The following NECAB2 variants were observed in gnomAD, a reference collection of about 807,000 sequenced individuals.
NECAB2 encodes N-terminal EF-hand calcium-binding protein 2.
A neutral mutation model predicts 51.9 loss-of-function variants in NECAB2; 68 were observed. The observed-to-expected ratio is 1.31, with a 90% confidence interval of 1.08 to 1.60. The LOEUF (loss-of-function observed/expected upper bound fraction) is 1.60, where lower values mean the gene tolerates loss of function less well. NECAB2 is among the 40% of genes most tolerant of loss of function. The pLI, the probability that NECAB2 is intolerant of heterozygous loss-of-function variation, is 0.00. For missense variants in NECAB2, 854 were observed against 490.3 expected (o/e 1.74, Z -7.00); for synonymous variants, 329 against 203.5 (o/e 1.62, Z -5.25).
intron 1 of NECAB2, 29 bp downstream of exon 1, chr16:83,968,878 C>A (rs748132988): frequency 4.3e-5 from 47 of 1,102,636 alleles, no homozygotes; most frequent in Middle Eastern, 3.9e-4. Context: ...GGACCCCCGC[C>A]GTGGCCTCCG....
rs764861904 is a variant in NECAB2, at chr16:83,990,646, C to A, written c.596+16C>A. ...GCCAGCTCCGGTGAGTCTCTGAGAC[C>A]CTGCAGGGTCCCATGGGGGTATGCC... On this transcript the variant is annotated intron_variant, in intron 6 of 12. Coordinates refer to ENST00000305202, the MANE Select transcript of NECAB2 (RefSeq NM_019065.3). The A allele has an allele frequency of 1.2e-6, 2 of 1,613,534 alleles. No individual in the cohort carries two copies. The highest frequency in any genetic ancestry group is 2.7e-5 in the African/African-American group (2 of 74,872).
chr16:83,969,454 G>C (rs908435961), intron 1 of NECAB2, among the ~76,000 whole-genome samples: 4 of 151,850 alleles, frequency 2.6e-5, no homozygotes, highest in African/African-American at 9.7e-5. Context: ...CCCTGAGCTG[G>C]TACCCCTCTG....
At chr16:83,995,568 C>G (rs1452137801) in intron 8 of NECAB2, among the ~76,000 whole-genome samples, 2 of 152,200 alleles carry the variant, frequency 1.3e-5, no homozygotes, top group Admixed American at 6.5e-5. Flanking sequence ...ACACAGCACA[C>G]CCGTATACCC....
At chr16:83,979,953 G>A (rs761946415) in intron 3 of NECAB2, among the ~76,000 whole-genome samples, 4 of 152,138 alleles carry the variant, frequency 2.6e-5, no homozygotes, top group Admixed American at 6.5e-5. Flanking sequence ...TGACAGGGTC[G>A]CTTTCTGCAG....
intron 2 of NECAB2, among the ~76,000 whole-genome samples, chr16:83,976,978 G>T (rs1463573038): frequency 6.6e-6 from 1 of 152,252 alleles, no homozygotes; most frequent in Non-Finnish European, 1.5e-5. Flanking sequence ...GGTTAGGCAG[G>T]TTGTGCGCTG....
chr16:83,965,973 C>T (rs1192398608), upstream of NECAB2: 1 of 1,601,864 alleles, frequency 6.2e-7, no homozygotes, highest in Non-Finnish European at 8.5e-7. Flanking sequence ...GTGGCCAGCT[C>T]CCTGCTAAGG....
At chr16:84,000,870 C>G in intron 11 of NECAB2, 69 bp downstream of exon 11, 1 of 1,509,252 alleles carries the variant, frequency 6.6e-7, no homozygotes, top group Admixed American at 1.7e-5. Context: ...TTCCTGGAGC[C>G]AGGCATCCTT....
At chr16:83,985,139 C>G (rs1379968668) in intron 5 of NECAB2, among the ~76,000 whole-genome samples, 1 of 151,232 alleles carries the variant, frequency 6.6e-6, no homozygotes, top group Non-Finnish European at 1.5e-5. Flanking sequence ...ATGGTGAAAC[C>G]CTGTCTGTAC....
At chr16:83,986,127 C>G (rs1398453549) in intron 5 of NECAB2, among the ~76,000 whole-genome samples, 1 of 152,162 alleles carries the variant, frequency 6.6e-6, no homozygotes, top group African/African-American at 2.4e-5. Context: ...AGCGATTCTT[C>G]CACCTCAGCC....
upstream of NECAB2, among the ~76,000 whole-genome samples, chr16:83,967,232 A>T (rs1597187291): frequency 6.6e-6 from 1 of 152,076 alleles, no homozygotes; most frequent in African/African-American, 2.4e-5. Flanking sequence ...GGCTCTGCCC[A>T]CTTGGATGTA....
At position 83,981,137 on chromosome 16, in the gene NECAB2, T is replaced by C; in HGVS notation, c.459+10T>C. 1 of 1,604,914 alleles carries C rather than the reference T, an allele frequency of 6.2e-7. No homozygotes were observed. The highest frequency in any genetic ancestry group is 1.1e-5 in the South Asian group (1 of 90,946). On this transcript the variant is annotated intron_variant, in intron 5 of 12. Transcript: ENST00000305202. Reference sequence around the variant, plus strand: ...GGGTTATACCAAGAAGGTCAGTGGGTGTAGGTGGCCCCCGGGGTCCAGGGC... The same window carrying C: ...GGGTTATACCAAGAAGGTCAGTGGGCGTAGGTGGCCCCCGGGGTCCAGGGC...
upstream of NECAB2, among the ~76,000 whole-genome samples, chr16:83,968,207 A>G (rs2084309846): frequency 6.6e-6 from 1 of 150,880 alleles, no homozygotes; most frequent in South Asian, 2.1e-4. Flanking sequence ...GAGCCGGCAG[A>G]GGGCGCTCCG....
chr16:83,983,192 G>T (rs899482219), intron 5 of NECAB2, among the ~76,000 whole-genome samples: 8 of 152,146 alleles, frequency 5.3e-5, no homozygotes, highest in African/African-American at 1.9e-4. Flanking sequence ...TTCCTAAGTG[G>T]TTTTTGTTTG....
Position 84,001,861 on chromosome 16 carries a change from C to A in NECAB2, c.1077C>A (p.His359Gln). The A allele has an allele frequency of 1.2e-6, 2 of 1,614,136 alleles. No homozygotes were observed. The highest frequency in any genetic ancestry group is 1.7e-6 in the Non-Finnish European group (2 of 1,179,982). ...LQSPLCKAFR[H>Q]VKVDTLSQPE... is the part of the protein sequence containing the mutation. ...GCCCCCTGTGTAAGGCGTTCCGGCA[C>A]GTCAAGGTGGACACACTGAGCCAGC... Residue 359 changes from histidine to glutamine, a missense_variant, in exon 12 of 13, where the codon CAC (histidine) becomes CAA (glutamine). Physicochemically the swap from His to Gln is conservative, Grantham distance 24. Transcript: ENST00000305202.
chr16:83,981,133 T>G lies in NECAB2; in HGVS notation c.459+6T>G, dbSNP rs1486422795. On this transcript the variant is annotated splice_donor_region_variant and intron_variant, in intron 5 of 12. Coordinates refer to ENST00000305202, the MANE Select transcript of NECAB2 (RefSeq NM_019065.3). Reference sequence around the variant, plus strand: ...CCATGGGTTATACCAAGAAGGTCAGTGGGTGTAGGTGGCCCCCGGGGTCCA... The same window carrying G: ...CCATGGGTTATACCAAGAAGGTCAGGGGGTGTAGGTGGCCCCCGGGGTCCA... 10 of 1,606,724 alleles carry G rather than the reference T, an allele frequency of 6.2e-6. No individual in the cohort carries two copies. The highest frequency in any genetic ancestry group is 1.7e-5 in the Admixed American group (1 of 59,806).
In NECAB2 at chr16:83,997,380, C is replaced by T. The variant is rs189327801; in HGVS notation, c.849+111C>T. On this transcript the variant is annotated intron_variant, in intron 9 of 12. Transcript: ENST00000305202. ...CCCCGCTCTCCCTGCTTGGGACCAC[C>T]AGGAGGGGAGATGTCGCCCAGCGCT... 2.3e-5 allele frequency: 32 copies of T among 1,389,530 alleles called. No individual in the cohort carries two copies. The East Asian group carries it at 4.6e-4, about 20-fold the overall frequency. The allele number at this position is 1,389,530 out of a possible 1,614,324, so 86.1% of individuals were successfully genotyped here.
upstream of NECAB2, chr16:83,966,304 G>C (rs2084279715): frequency 2.2e-6 from 1 of 455,956 alleles, no homozygotes; most frequent in Non-Finnish European, 3.9e-6. Context: ...TCCAGAAGCA[G>C]GTCCCAAATA....
At chr16:83,984,598 G>A (rs748543748) in intron 5 of NECAB2, among the ~76,000 whole-genome samples, 4 of 151,976 alleles carry the variant, frequency 2.6e-5, no homozygotes, top group Non-Finnish European at 5.9e-5. Flanking sequence ...AGCATGGTGG[G>A]ATGTGTCTGT....
intron 6 of NECAB2, 38 bp downstream of exon 6, chr16:83,990,668 T>G: frequency 6.2e-7 from 1 of 1,609,368 alleles, no homozygotes. Context: ...CATGGGGGTA[T>G]GCCGTGCACG....
Sources: allele counts gnomAD v4.1 joint callset (sites outside exome capture counted in the v4.1 genomes callset), GRCh38; gene constraint gnomAD v4.1.1; transcripts MANE v1.5; gene names NCBI Gene and HGNC (gene_info 2026-07-23, HGNC 2026-07-21).